The following PTPRJ variants were observed in gnomAD, a reference collection of about 807,000 sequenced individuals.
PTPRJ encodes protein tyrosine phosphatase receptor type J, also known as receptor-type tyrosine-protein phosphatase eta.
A neutral mutation model predicts 141.3 loss-of-function variants in PTPRJ; 129 were observed. That is an observed-to-expected ratio of 0.91 (90% CI 0.79 to 1.06). The LOEUF is 1.06. PTPRJ is among the 50% of genes least tolerant of loss of function. The pLI is 0.00. For synonymous variants in PTPRJ, 610 were observed against 640.5 expected, an observed-to-expected ratio of 0.95 and a Z score of 0.72; for missense variants, 1,601 against 1,679.7, an observed-to-expected ratio of 0.95 and a Z score of 0.82.
chr11:48,132,374 T>A (rs1048582196), intron 8 of PTPRJ: 33 of 963,274 alleles, frequency 3.4e-5, no homozygotes, highest in South Asian at 9.6e-5. Context: ...CAAAAAAAAA[T>A]TTTTTTTTAT....
chr11:48,098,284 G>GT (rs1027288674), intron 1 of PTPRJ, among the ~76,000 whole-genome samples: 81 of 152,364 alleles, frequency 5.3e-4, no homozygotes, highest in African/African-American at 1.9e-3. Context: ...CTAGGCTCTG[G>GT]TGGGTAGGAA....
intron 12 of PTPRJ, among the ~76,000 whole-genome samples, chr11:48,143,524 C>T (rs1857281843): frequency 6.6e-6 from 1 of 152,216 alleles, no homozygotes; most frequent in Non-Finnish European, 1.5e-5. Context: ...CACGTACACA[C>T]ATGCCATCCT....
At chr11:48,123,247 C>T (rs1856749694) in intron 4 of PTPRJ, among the ~76,000 whole-genome samples, 1 of 152,176 alleles carries the variant, frequency 6.6e-6, no homozygotes, top group African/African-American at 2.4e-5. Flanking sequence ...GGCTTTGTTC[C>T]TGATATCTAA....
rs1247810791 is a variant in PTPRJ at position 47,980,708 on chromosome 11, T to G, written c.-205T>G. On this transcript the variant is annotated 5_prime_UTR_variant, in exon 1 of 25. Transcript: ENST00000418331. The stretch of plus-strand genomic sequence containing the variant: ...CGCGGCCCCCCCGCGGCAGCCGCGC[T>G]AGGCTCCGGCGTGTGGCCGCGGCCG... 1.0e-6 allele frequency: 1 copy of G among 995,616 alleles called. No individual in the cohort carries two copies. Among genetic ancestry groups the G allele is most frequent in the Admixed American group, 6.1e-5 (1 of 16,466 alleles). 61.7% of individuals were successfully genotyped at this position (995,616 alleles called of 1,614,324 possible). A position where few individuals can be genotyped will look rare whatever the true frequency, so the allele number is the denominator to read the frequency against.
At chr11:47,993,670 G>A (rs759320895) in intron 1 of PTPRJ, among the ~76,000 whole-genome samples, 1 of 152,066 alleles carries the variant, frequency 6.6e-6, no homozygotes, top group Non-Finnish European at 1.5e-5. Context: ...TGAATAGTGG[G>A]TGACTCAGCT....
intron 1 of PTPRJ, among the ~76,000 whole-genome samples, chr11:48,037,529 C>T (rs530846119): frequency 2.1e-4 from 32 of 152,280 alleles, no homozygotes; most frequent in Non-Finnish European, 3.4e-4. Context: ...AGTCCACACA[C>T]GGCCAGGCGC....
chr11:48,114,721 A>G lies in PTPRJ; in HGVS notation c.352+1738A>G, dbSNP rs1430609406. The stretch of plus-strand genomic sequence containing the variant: ...CAAAATAAAGTGCAAGTGGTTGACC[A>G]TAAAGAGATGGGAGATGTATGAACT... On this transcript the variant is annotated intron_variant, in intron 3 of 24. Transcript: ENST00000418331. 3.3e-5 allele frequency among the ~76,000 whole-genome samples: 5 copies of G among 152,210 alleles called. No individual in the cohort carries two copies. In the East Asian group the frequency reaches 9.6e-4, roughly 29 times the overall value.
At chr11:48,001,280 A>G (rs1327168749) in intron 1 of PTPRJ, among the ~76,000 whole-genome samples, 1 of 151,440 alleles carries the variant, frequency 6.6e-6, no homozygotes, top group Non-Finnish European at 1.5e-5. Context: ...GGCATGAGCC[A>G]TTGTACCTGG....
At chr11:48,102,665 C>T (rs1484329899) in intron 1 of PTPRJ, among the ~76,000 whole-genome samples, 2 of 152,076 alleles carry the variant, frequency 1.3e-5, no homozygotes, top group Non-Finnish European at 2.9e-5. Context: ...GATCCACCTG[C>T]CTCAGCCTCT....
chr11:48,043,710 A>T (rs78784466), intron 1 of PTPRJ, among the ~76,000 whole-genome samples: 3,492 of 152,146 alleles, frequency 0.023, 131 homozygotes, highest in African/African-American at 0.08. Context: ...AGTGAAATGG[A>T]CGGTGGGATC....
In PTPRJ at chr11:48,149,886, A is replaced by G. The variant is rs1256921885; in HGVS notation, c.3042-104A>G. Reference sequence around the variant, plus strand: ...TACTCTGACCCCCTCTTGCCAAATTATACCCTGGGTTTTGTTGTTTTGGGA... The same window carrying G: ...TACTCTGACCCCCTCTTGCCAAATTGTACCCTGGGTTTTGTTGTTTTGGGA... On this transcript the variant is annotated intron_variant, in intron 16 of 24. Transcript: ENST00000418331. 3.4e-6 allele frequency: 3 copies of G among 881,778 alleles called. No homozygotes were observed. In the Admixed American group the frequency reaches 8.4e-5, roughly 25 times the overall value. 54.6% of individuals were successfully genotyped at this position (881,778 alleles called of 1,614,324 possible).
chr11:48,150,782 C>A (rs1857462743), intron 18 of PTPRJ, among the ~76,000 whole-genome samples: 2 of 152,188 alleles, frequency 1.3e-5, no homozygotes, highest in Admixed American at 1.3e-4. Flanking sequence ...GGAACCAGCC[C>A]TGCTCAGAGT....
intron 1 of PTPRJ, among the ~76,000 whole-genome samples, chr11:48,004,401 A>AT (rs1854573873): frequency 6.6e-6 from 1 of 152,142 alleles, no homozygotes; most frequent in Admixed American, 6.6e-5. Flanking sequence ...TTTGTCAAGG[A>AT]TTTTGCATAC....
At chr11:48,046,111 A>G (rs1238262101) in intron 1 of PTPRJ, 4 of 152,176 alleles carry the variant, frequency 2.6e-5, no homozygotes, top group African/African-American at 7.2e-5. Flanking sequence ...CAGTGGTGCA[A>G]TCACAGATCA....
In PTPRJ at chr11:48,028,024, A is replaced by G. The variant is rs546818882; in HGVS notation, c.96+47016A>G. ...AGGAGGCTCCTCTAGTGAAAGAAAA[A>G]GGCATCCAGTGTTAATAGTATTTCT... On this transcript the variant is annotated intron_variant, in intron 1 of 24. Coordinates refer to ENST00000418331, the MANE Select transcript of PTPRJ (RefSeq NM_002843.4). Among the ~76,000 whole-genome samples, 11 of 152,140 alleles carry G rather than the reference A, an allele frequency of 7.2e-5. No individual in the cohort carries two copies. The South Asian group carries it at 2.3e-3, about 32-fold the overall frequency.
Position 48,164,366 on chromosome 11 carries a change from C to T in PTPRJ, c.3720-14C>T, listed in dbSNP as rs757945363. ...GGAACCCACTGTAATAGGCTTATTT[C>T]TCTTTTCTCTCAGTGCTGGGGTCGG... On this transcript the variant is annotated splice_polypyrimidine_tract_variant and intron_variant, in intron 23 of 24. Coordinates refer to ENST00000418331, the MANE Select transcript of PTPRJ (RefSeq NM_002843.4). The T allele has an allele frequency of 9.9e-6, 16 of 1,612,718 alleles. No homozygotes were observed. The Admixed American group carries it at 2.5e-4, about 25-fold the overall frequency.
Position 48,156,010 on chromosome 11 carries a change from T to C in PTPRJ, c.3329T>C (p.Ile1110Thr), listed in dbSNP as rs1466410185. 6.2e-7 allele frequency: 1 copy of C among 1,610,358 alleles called. No individual in the cohort carries two copies. The highest frequency in any genetic ancestry group is 8.5e-7 in the Non-Finnish European group (1 of 1,176,598). Reference protein sequence around the residue: ...MPGYHSKKDFIATQGPLPNTL... With the variant: ...MPGYHSKKDFTATQGPLPNTL... ...GGCTACCACTCCAAGAAAGATTTTA[T>C]TGCCACACAAGGACCTTTACCGAAC... The change falls in exon 21 of 25, where the codon ATT (isoleucine) becomes ACT (threonine). Residue 1110 changes from isoleucine (I) to threonine (T), a missense_variant. Transcript: ENST00000418331.
At chr11:48,030,138 CTT>C (rs2134223513) in intron 1 of PTPRJ, among the ~76,000 whole-genome samples, 1 of 152,196 alleles carries the variant, frequency 6.6e-6, no homozygotes, top group Non-Finnish European at 1.5e-5. Flanking sequence ...GATGTTTTGT[CTT>C]TTATGGAGTT....
Position 48,137,194 on chromosome 11 carries a change from C to A in PTPRJ, c.2065C>A (p.Pro689Thr), listed in dbSNP as rs775777026. The A allele has an allele frequency of 1.9e-6, 3 of 1,613,544 alleles. No individual in the cohort carries two copies. In the South Asian group the frequency reaches 3.3e-5, roughly 18 times the overall value. ...TGACGCTACAGTCACTGAATTAATA[C>A]CTGGCTCATCATACACAGTGGAGAT... ...ITDATVTELI[P>T]GSSYTVEIFA... is the part of the protein sequence containing the mutation. Residue 689 changes from proline to threonine, a missense_variant, in exon 10 of 25, where the codon CCT becomes ACT. Transcript: ENST00000418331.
Sources: gnomAD v4.1 joint callset for allele counts (sites outside exome capture counted in the v4.1 genomes callset) on GRCh38, gnomAD v4.1.1 for gene constraint, MANE v1.5 for transcripts, NCBI Gene and HGNC (gene_info 2026-07-23, HGNC 2026-07-21) for gene names.